CNTN5: variants seen among roughly 807,000 people sequenced by gnomAD.
CNTN5 encodes the protein contactin-5.
Under a neutral mutation model 129.1 loss-of-function variants are expected in CNTN5, and 77 were observed. The ratio of observed to expected loss-of-function variants is 0.60; its 90% CI spans 0.50 to 0.72. The LOEUF (loss-of-function observed/expected upper bound fraction) is 0.72, where lower values mean the gene tolerates loss of function less well. CNTN5 is among the 30% of genes least tolerant of loss of function. The probability of loss-of-function intolerance (pLI) is 0.00; values close to 1 mark genes in which losing one functional copy is unlikely to be tolerated. For missense variants in CNTN5, 1,478 were observed against 1,328.8 expected (o/e 1.11, Z -1.75); for synonymous variants, 509 against 465.6 (o/e 1.09, Z -1.20).
rs569712294 is a variant in CNTN5 at position 100,232,534 on chromosome 11, C to T, written c.2005+7722C>T. 3.3e-5 allele frequency among the ~76,000 whole-genome samples: 5 copies of T among 152,278 alleles called. No individual in the cohort carries two copies. In the South Asian group the frequency reaches 6.2e-4, roughly 19 times the overall value. Reference sequence around the variant, plus strand: ...GCAAGCAATTATGTGTGAAAGGTAGCGCAGAATCTTAAGAAAATCCTTGGC... The same window carrying T: ...GCAAGCAATTATGTGTGAAAGGTAGTGCAGAATCTTAAGAAAATCCTTGGC... On this transcript the variant is annotated intron_variant, in intron 16 of 24. Coordinates refer to ENST00000524871, the MANE Select transcript of CNTN5 (RefSeq NM_014361.4).
chr11:100,306,090 A>G (rs1176896508), intron 20 of CNTN5, among the ~76,000 whole-genome samples: 1 of 151,516 alleles, frequency 6.6e-6, no homozygotes, highest in Non-Finnish European at 1.5e-5. Flanking sequence ...AATTAAAATG[A>G]TTCTTCAGTT....
intron 1 of CNTN5, among the ~76,000 whole-genome samples, chr11:99,253,647 T>C (rs897077254): frequency 6.6e-6 from 1 of 151,882 alleles, no homozygotes; most frequent in Non-Finnish European, 1.5e-5. Context: ...CTGAATATGA[T>C]CATTCTATTT....
intron 16 of CNTN5, among the ~76,000 whole-genome samples, chr11:100,242,803 T>C (rs912298940): frequency 2.6e-5 from 4 of 152,156 alleles, no homozygotes; most frequent in Non-Finnish European, 5.9e-5. Flanking sequence ...AATGAATGAA[T>C]ATGTAACCCC....
chr11:99,084,584 G>A (rs1409612749), intron 1 of CNTN5, among the ~76,000 whole-genome samples: 1 of 151,956 alleles, frequency 6.6e-6, no homozygotes, highest in African/African-American at 2.4e-5. Context: ...ATTTATCCCT[G>A]TTTTCTTAAC....
intron 1 of CNTN5, among the ~76,000 whole-genome samples, chr11:99,218,565 A>T (rs1860243739): frequency 6.6e-6 from 1 of 152,128 alleles, no homozygotes; most frequent in African/African-American, 2.4e-5. Flanking sequence ...CATGTAAACC[A>T]GGACAACCAC....
At chr11:99,472,676 T>C (rs1222372656) in intron 2 of CNTN5, among the ~76,000 whole-genome samples, 1 of 152,154 alleles carries the variant, frequency 6.6e-6, no homozygotes, top group Non-Finnish European at 1.5e-5. Flanking sequence ...CTTTCTTTTT[T>C]TTCTTTTCTT....
intron 1 of CNTN5, among the ~76,000 whole-genome samples, chr11:99,100,295 A>G (rs1331739586): frequency 6.6e-6 from 1 of 152,132 alleles, no homozygotes; most frequent in Non-Finnish European, 1.5e-5. Flanking sequence ...AAGAAATAAT[A>G]TAAAGCAAAT....
intron 3 of CNTN5, among the ~76,000 whole-genome samples, chr11:99,672,598 G>A (rs554576089): frequency 6.6e-6 from 1 of 150,506 alleles, no homozygotes; most frequent in African/African-American, 2.4e-5. Flanking sequence ...TTTCTATTAG[G>A]AACTGAGAAT....
At chr11:99,982,845 A>G (rs943684818) in intron 8 of CNTN5, among the ~76,000 whole-genome samples, 2 of 152,140 alleles carry the variant, frequency 1.3e-5, no homozygotes, top group African/African-American at 2.4e-5. Flanking sequence ...GTTTCACCGT[A>G]TTAGCCAGGA....
chr11:99,866,682 G>T (rs989908000), intron 6 of CNTN5, among the ~76,000 whole-genome samples: 9 of 152,190 alleles, frequency 5.9e-5, no homozygotes, highest in Admixed American at 6.5e-5. Flanking sequence ...TTCTACTGTT[G>T]TATGAATCTG....
intron 9 of CNTN5, among the ~76,000 whole-genome samples, chr11:100,022,461 T>C (rs1195470468): frequency 1.3e-5 from 2 of 152,202 alleles, no homozygotes; most frequent in African/African-American, 4.8e-5. Flanking sequence ...TTTTATTCTA[T>C]TTTATCTCTT....
rs550752733 is a variant in CNTN5, at chr11:99,878,453, T to C, written c.577+33191T>C. ...TCTGAACAACAGTGCAAGGTAGTGA[T>C]GGCATGTGCAATAGGTGTCATGCAC... is the stretch of plus-strand genomic sequence containing the variant. On this transcript the variant is annotated intron_variant, in intron 6 of 24. Transcript: ENST00000524871. 2.7e-3 allele frequency among the ~76,000 whole-genome samples: 410 copies of C among 152,302 alleles called. 1 individual carries two copies. The highest frequency in any genetic ancestry group is 7.3e-3 in the African/African-American group (304 of 41,556).
chr11:100,171,133 G>C (rs931959423), intron 13 of CNTN5, among the ~76,000 whole-genome samples: 5 of 152,000 alleles, frequency 3.3e-5, no homozygotes, highest in Non-Finnish European at 5.9e-5. Flanking sequence ...AATTGTGGAA[G>C]AGCTGTGAAT....
At chr11:99,380,053 A>T (rs887089783) in intron 2 of CNTN5, among the ~76,000 whole-genome samples, 1 of 151,182 alleles carries the variant, frequency 6.6e-6, no homozygotes, top group Non-Finnish European at 1.5e-5. Flanking sequence ...CAAATCCCGT[A>T]TACAATGGTG....
chr11:99,430,321 G>A (rs765317894), intron 2 of CNTN5, among the ~76,000 whole-genome samples: 2 of 151,540 alleles, frequency 1.3e-5, no homozygotes, highest in East Asian at 3.9e-4. Context: ...AAAAAATTCC[G>A]AAAAGCAAGA....
At chr11:99,754,386 T>A (rs1225004050) in intron 3 of CNTN5, among the ~76,000 whole-genome samples, 1 of 152,188 alleles carries the variant, frequency 6.6e-6, no homozygotes. Flanking sequence ...TTTATTCTTC[T>A]CTCCTTCACC....
At chr11:100,142,076 C>T (rs1178612753) in intron 13 of CNTN5, among the ~76,000 whole-genome samples, 1 of 152,128 alleles carries the variant, frequency 6.6e-6, no homozygotes, top group African/African-American at 2.4e-5. Context: ...ATCAGAACGC[C>T]AGGCTCTCTG....
intron 1 of CNTN5, among the ~76,000 whole-genome samples, chr11:99,231,301 C>G (rs1404505392): frequency 6.6e-6 from 1 of 152,112 alleles, no homozygotes; most frequent in Non-Finnish European, 1.5e-5. Flanking sequence ...TTCTCCTCAG[C>G]CAACATCTGC....
In CNTN5 at chr11:99,684,852, T is replaced by G. The variant is rs370666009; in HGVS notation, c.55+128583T>G. On this transcript the variant is annotated intron_variant, in intron 3 of 24. Transcript: ENST00000524871. ...TTTATATCTTCTCTTTCTCTTTTTT[T>G]CCATTGGTGATTCTTCAAAAATTTT... Among the ~76,000 whole-genome samples the G allele has an allele frequency of 1.8e-4, 28 of 151,872 alleles. No individual in the cohort carries two copies. In the South Asian group the frequency reaches 5.6e-3, roughly 30 times the overall value.
Sources: allele counts gnomAD v4.1 joint callset (sites outside exome capture counted in the v4.1 genomes callset), GRCh38; gene constraint gnomAD v4.1.1; transcripts MANE v1.5; gene names NCBI Gene and HGNC (gene_info 2026-07-23, HGNC 2026-07-21).